FBXO34: variants seen among roughly 807,000 people sequenced by gnomAD.
FBXO34 encodes the protein F-box only protein 34.
Under a neutral mutation model 24.5 loss-of-function variants are expected in FBXO34, and 12 were observed. That is an observed-to-expected ratio of 0.49 (90% CI 0.31 to 0.79). The LOEUF (loss-of-function observed/expected upper bound fraction) is 0.79. Ranked by LOEUF, FBXO34 falls within the 30% of genes least tolerant of loss-of-function variation. The probability of loss-of-function intolerance (pLI) is 0.04; values close to 1 mark genes in which losing one functional copy is unlikely to be tolerated. For synonymous variants in FBXO34, 320 were observed against 311.9 expected, an observed-to-expected ratio of 1.03 and a Z score of -0.27; for missense variants, 823 against 857.7, an observed-to-expected ratio of 0.96 and a Z score of 0.51.
intron 1 of FBXO34, among the ~76,000 whole-genome samples, chr14:55,315,107 A>G (rs1882883425): frequency 6.6e-6 from 1 of 152,242 alleles, no homozygotes; most frequent in Admixed American, 6.5e-5. Flanking sequence ...CTAGTATTCT[A>G]GTATTCAGTG....
downstream of FBXO34, among the ~76,000 whole-genome samples, chr14:55,354,859 C>CG (rs1415875548): frequency 3.3e-5 from 5 of 152,214 alleles, no homozygotes; most frequent in Admixed American, 3.3e-4. Context: ...AGTAGTGTGC[C>CG]GCACTACCTG....
At chr14:55,425,630 G>A in the FBXO34 span, among the ~76,000 whole-genome samples, 2 of 152,100 alleles carry the variant, frequency 1.3e-5, no homozygotes, top group Non-Finnish European at 2.9e-5. Context: ...TGAGAATATC[G>A]AACACCTGCC....
chr14:55,318,943 G>A (rs1883033694), intron 1 of FBXO34, among the ~76,000 whole-genome samples: 1 of 152,024 alleles, frequency 6.6e-6, no homozygotes, highest in African/African-American at 2.4e-5. Flanking sequence ...TATTGAGTTG[G>A]TTAGACTCTC....
At chr14:55,436,948 G>A in the FBXO34 span, 1 of 1,614,234 alleles carries the variant, frequency 6.2e-7, no homozygotes, top group Non-Finnish European at 8.5e-7. Context: ...CGGATTGGAT[G>A]CATTCAGTAT....
At chr14:55,428,119 C>CTTTTTTTT in the FBXO34 span, among the ~76,000 whole-genome samples, 2,315 of 43,362 alleles carry the variant, frequency 0.053, 859 homozygotes, top group East Asian at 0.093. Context: ...CATGCCTTAT[C>CTTTTTTTT]TTTTTTTTTT....
the FBXO34 span, among the ~76,000 whole-genome samples, chr14:55,375,503 T>G: frequency 4.3e-5 from 6 of 139,172 alleles, no homozygotes; most frequent in Admixed American, 6.9e-5. Context: ...TTTTTTTTTT[T>G]TTTTTTTTTT....
the FBXO34 span, among the ~76,000 whole-genome samples, chr14:55,442,012 C>T: frequency 6.6e-6 from 1 of 151,958 alleles, no homozygotes; most frequent in African/African-American, 2.4e-5. Flanking sequence ...ATCCACCTGC[C>T]TTGGCCTCCC....
At chr14:55,429,688 C>T in the FBXO34 span, among the ~76,000 whole-genome samples, 1 of 147,496 alleles carries the variant, frequency 6.8e-6, no homozygotes, top group Non-Finnish European at 1.5e-5. Flanking sequence ...ATCACTTGAA[C>T]CTGGGAGGCA....
intron 1 of FBXO34, among the ~76,000 whole-genome samples, chr14:55,311,536 G>A (rs1882740850): frequency 6.6e-6 from 1 of 152,100 alleles, no homozygotes; most frequent in Admixed American, 6.5e-5. Context: ...TGTGAGATGA[G>A]GCAAGTCCCT....
the FBXO34 span, among the ~76,000 whole-genome samples, chr14:55,390,404 T>C: frequency 1.3e-5 from 2 of 150,948 alleles, no homozygotes; most frequent in African/African-American, 2.4e-5. Context: ...AGACAGAGTC[T>C]GGCTCTGTGC....
chr14:55,429,504 C>T, the FBXO34 span, among the ~76,000 whole-genome samples: 1 of 152,334 alleles, frequency 6.6e-6, no homozygotes, highest in Non-Finnish European at 1.5e-5. Context: ...TGGCTCACGC[C>T]TGTAATCCCA....
the FBXO34 span, among the ~76,000 whole-genome samples, chr14:55,382,564 T>C: frequency 1.4e-4 from 21 of 152,222 alleles, no homozygotes; most frequent in African/African-American, 4.8e-4. Flanking sequence ...CCTCAAACAA[T>C]CCTCTGAAAG....
At chr14:55,369,706 G>C (rs751664311), downstream of FBXO34, 3 of 1,609,574 alleles carry the variant, frequency 1.9e-6, no homozygotes, top group Admixed American at 5.0e-5. Context: ...TGCTCGCGAT[G>C]GGTGGGGACG....
chr14:55,442,064 A>G, the FBXO34 span, among the ~76,000 whole-genome samples: 1 of 151,500 alleles, frequency 6.6e-6, no homozygotes, highest in Non-Finnish European at 1.5e-5. Flanking sequence ...TGTCTGGCCT[A>G]TAATTGACAC....
chr14:55,379,428 G>C, the FBXO34 span, among the ~76,000 whole-genome samples: 1 of 152,200 alleles, frequency 6.6e-6, no homozygotes, highest in East Asian at 1.9e-4. Flanking sequence ...TGTGGTCCCA[G>C]CAACTCGGGA....
At chr14:55,271,844 A>G (rs1185656225) in intron 1 of FBXO34, 1 of 151,896 alleles carries the variant, frequency 6.6e-6, no homozygotes. Context: ...ATTCACGGAT[A>G]GGCCGTGAGC....
downstream of FBXO34, among the ~76,000 whole-genome samples, chr14:55,362,256 C>T (rs1314284162): frequency 6.6e-6 from 1 of 152,198 alleles, no homozygotes; most frequent in Non-Finnish European, 1.5e-5. Context: ...TTAGAATACA[C>T]ACATTTATTA....
At chr14:55,296,435 G>A (rs1345351846) in intron 1 of FBXO34, among the ~76,000 whole-genome samples, 6 of 122,734 alleles carry the variant, frequency 4.9e-5, no homozygotes, top group Admixed American at 1.1e-4. Context: ...TCGCTCTGTC[G>A]CCCAGGTTGG....
At chr14:55,375,315 G>A in the FBXO34 span, among the ~76,000 whole-genome samples, 2 of 152,002 alleles carry the variant, frequency 1.3e-5, no homozygotes, top group Non-Finnish European at 2.9e-5. Context: ...GACAGCAACT[G>A]TTTTTTGTAT....
Sources: allele counts gnomAD v4.1 joint callset (sites outside exome capture counted in the v4.1 genomes callset), GRCh38; gene constraint gnomAD v4.1.1; transcripts MANE v1.5; gene names NCBI Gene and HGNC (gene_info 2026-07-23, HGNC 2026-07-21).